STRN3: variants seen among roughly 807,000 people sequenced by gnomAD.
STRN3 encodes striatin-3.
A neutral mutation model predicts 95.6 loss-of-function variants in STRN3; 29 were observed. That is an observed-to-expected ratio of 0.30 (90% CI 0.23 to 0.41). The LOEUF is 0.41. STRN3 is among the 10% of genes least tolerant of loss of function. The pLI, the probability that STRN3 is intolerant of heterozygous loss-of-function variation, is 1.00. For missense variants in STRN3, 890 were observed against 972.1 expected (o/e 0.92, Z 1.12); for synonymous variants, 331 against 357.6 (o/e 0.93, Z 0.84).
intron 1 of STRN3, among the ~76,000 whole-genome samples, chr14:31,019,902 T>G (rs1169954915): frequency 2.8e-5 from 4 of 143,398 alleles, no homozygotes; most frequent in Non-Finnish European, 4.6e-5. Flanking sequence ...TTTTTTTTTC[T>G]TTTTTAGATA....
chr14:30,991,619 G>A (rs934148820), intron 1 of STRN3, among the ~76,000 whole-genome samples: 5 of 152,168 alleles, frequency 3.3e-5, no homozygotes, highest in Admixed American at 6.6e-5. Flanking sequence ...AACAGTATGT[G>A]TGAAGGGCTG....
intron 1 of STRN3, among the ~76,000 whole-genome samples, chr14:30,975,542 G>GAAAA (rs538959303): frequency 3.3e-5 from 1 of 30,430 alleles, no homozygotes; most frequent in African/African-American, 1.0e-4. Flanking sequence ...CCCCCCTACT[G>GAAAA]AAAAAAAAAA....
In STRN3 at chr14:30,950,899, T is replaced by G. The variant is rs777662858; in HGVS notation, c.506A>C (p.Gln169Pro). Residue 169 changes from glutamine (Q) to proline (P), a missense_variant, in exon 4 of 18, where the codon CAG becomes CCG. Gln to Pro is a moderately conservative substitution (Grantham distance 76). Transcript: ENST00000357479. ...TEAPTAPQNSQLTWKQGRQLL... is the reference protein window; with the variant it reads ...TEAPTAPQNSPLTWKQGRQLL... ...CTGTCTGCCTTGCTTCCACGTTAAC[T>G]GGCTATTCTGAGGTGCTGTGGGAGC... The G allele has an allele frequency of 7.4e-6, 12 of 1,613,952 alleles. No homozygotes were observed. The highest frequency in any genetic ancestry group is 1.0e-5 in the Non-Finnish European group (12 of 1,179,932).
intron 1 of STRN3, among the ~76,000 whole-genome samples, chr14:30,968,312 T>C (rs889751648): frequency 1.4e-5 from 2 of 140,660 alleles, no homozygotes; most frequent in African/African-American, 2.7e-5. Flanking sequence ...AAAAAAGAAA[T>C]TGGGGGGACA....
Position 30,913,576 on chromosome 14 carries a change from A to AG in STRN3, c.1321dup (p.Leu441ProfsTer12). The AG allele has an allele frequency of 6.2e-7, 1 of 1,613,898 alleles. No individual in the cohort carries two copies. The highest frequency in any genetic ancestry group is 8.5e-7 in the Non-Finnish European group (1 of 1,179,860). On this transcript the variant is annotated frameshift_variant, in exon 10 of 18. Coordinates refer to ENST00000357479, the MANE Select transcript of STRN3 (RefSeq NM_001083893.2). LOFTEE classifies it high-confidence loss of function. ...TACCGTCAAGTCTGCAAGGTCTCCA[A>AG]GGCCCAGTACACTTAACAAAACATC... is the stretch of plus-strand genomic sequence containing the variant.
At chr14:30,967,240 G>A (rs1294114659) in intron 1 of STRN3, among the ~76,000 whole-genome samples, 9 of 144,296 alleles carry the variant, frequency 6.2e-5, no homozygotes, top group Non-Finnish European at 9.1e-5. Flanking sequence ...GTGGGGCAGG[G>A]TGGGGGGGAA....
chr14:30,997,515 T>C (rs569989991), intron 1 of STRN3, among the ~76,000 whole-genome samples: 35 of 152,288 alleles, frequency 2.3e-4, no homozygotes, highest in Middle Eastern at 6.8e-3. Flanking sequence ...GCATCTGTTG[T>C]TTTTCCCATG....
intron 5 of STRN3, among the ~76,000 whole-genome samples, chr14:30,937,862 A>G (rs1049884491): frequency 1.3e-5 from 2 of 152,130 alleles, no homozygotes; most frequent in Non-Finnish European, 1.5e-5. Context: ...GGTTCCCTCC[A>G]TTAGTCCAAA....
intron 1 of STRN3, among the ~76,000 whole-genome samples, chr14:30,962,113 G>A (rs936811444): frequency 6.6e-6 from 1 of 152,102 alleles, no homozygotes; most frequent in African/African-American, 2.4e-5. Context: ...GGCCTTCCTA[G>A]GCCTTACGTA....
chr14:30,920,616 C>G (rs1896855210), intron 8 of STRN3, among the ~76,000 whole-genome samples: 1 of 152,044 alleles, frequency 6.6e-6, no homozygotes, highest in Non-Finnish European at 1.5e-5. Context: ...AAAGAATCTC[C>G]CTTTAAAGTA....
At chr14:31,000,927 G>A (rs959993822) in intron 1 of STRN3, among the ~76,000 whole-genome samples, 19 of 152,178 alleles carry the variant, frequency 1.2e-4, no homozygotes, top group Admixed American at 1.2e-3. Context: ...AAGGGGATGT[G>A]TGTGCACATA....
At chr14:30,976,165 A>T (rs190956543) in intron 1 of STRN3, among the ~76,000 whole-genome samples, 61 of 152,348 alleles carry the variant, frequency 4.0e-4, no homozygotes, top group African/African-American at 1.4e-3. Flanking sequence ...GGTTGCCTAC[A>T]ATAAATTTTA....
chr14:30,981,685 A>C (rs1881408471), intron 1 of STRN3, among the ~76,000 whole-genome samples: 1 of 152,072 alleles, frequency 6.6e-6, no homozygotes, highest in Non-Finnish European at 1.5e-5. Context: ...CCAGTCCCCG[A>C]CCTACCCAGT....
intron 2 of STRN3, 72 bp downstream of exon 2, chr14:30,956,067 A>G: frequency 7.5e-7 from 1 of 1,326,500 alleles, no homozygotes; most frequent in East Asian, 2.3e-5. Context: ...GCTGCCAAAT[A>G]CAGAGTACAA....
chr14:30,936,847 A>C (rs1878846280), intron 5 of STRN3, among the ~76,000 whole-genome samples: 1 of 152,194 alleles, frequency 6.6e-6, no homozygotes, highest in Non-Finnish European at 1.5e-5. Context: ...ATTGTCCAAA[A>C]TATTTTAGGT....
At chr14:30,944,621 A>AT (rs58239655) in intron 5 of STRN3, among the ~76,000 whole-genome samples, 42,729 of 115,640 alleles carry the variant, frequency 0.37, 10,258 homozygotes, top group Non-Finnish European at 0.44. Context: ...ATATATACAC[A>AT]TTTTTTTTTT....
chr14:30,896,878 G>C (rs1310044016), intron 16 of STRN3, among the ~76,000 whole-genome samples: 2 of 152,188 alleles, frequency 1.3e-5, no homozygotes, highest in Non-Finnish European at 2.9e-5. Context: ...TCAACAGCAA[G>C]TAGAATTTAA....
intron 14 of STRN3, among the ~76,000 whole-genome samples, chr14:30,906,263 A>G (rs1896458468): frequency 6.6e-6 from 1 of 152,216 alleles, no homozygotes; most frequent in Non-Finnish European, 1.5e-5. Context: ...ACACAAAATT[A>G]TATATTTACT....
chr14:31,014,516 G>C, intron 1 of STRN3: 1 of 342,586 alleles, frequency 2.9e-6, no homozygotes, highest in Non-Finnish European at 5.8e-6. Flanking sequence ...CACTGCGCCC[G>C]GCCAAAGTGC....
Sources: gnomAD v4.1 joint callset for allele counts (sites outside exome capture counted in the v4.1 genomes callset) on GRCh38, gnomAD v4.1.1 for gene constraint, MANE v1.5 for transcripts, NCBI Gene and HGNC (gene_info 2026-07-23, HGNC 2026-07-21) for gene names.